Variants in FBN2 observed in about 807,000 individuals in gnomAD.
The protein encoded by FBN2 is fibrillin 2.
A neutral mutation model predicts 355.6 loss-of-function variants in FBN2; 105 were observed. The observed-to-expected ratio is 0.30, with a 90% CI of 0.25 to 0.35. The LOEUF (loss-of-function observed/expected upper bound fraction) is 0.35, where lower values mean the gene tolerates loss of function less well. Among genes scored for constraint, FBN2 ranks in the 10% least tolerant of loss-of-function variants. FBN2 has a pLI of 1.00. For missense variants in FBN2, 3,280 were observed against 3,758.7 expected, an observed-to-expected ratio of 0.87 and a Z score of 3.33; for synonymous variants, 1,350 against 1,301.2, an observed-to-expected ratio of 1.04 and a Z score of -0.81.
At chr5:128,442,652 A>G (rs1339855509) in intron 7 of FBN2, among the ~76,000 whole-genome samples, 1 of 152,190 alleles carries the variant, frequency 6.6e-6, no homozygotes, top group Non-Finnish European at 1.5e-5. Flanking sequence ...AGAAATAAAC[A>G]TGGCTGCAGT....
At chr5:128,334,121 G>C (rs1005925018) in intron 31 of FBN2, among the ~76,000 whole-genome samples, 3 of 152,044 alleles carry the variant, frequency 2.0e-5, no homozygotes, top group Non-Finnish European at 4.4e-5. Context: ...GTTAGTAGTA[G>C]TAGTAGAGAA....
intron 5 of FBN2, among the ~76,000 whole-genome samples, chr5:128,474,226 A>G (rs1433587158): frequency 6.6e-6 from 1 of 152,254 alleles, no homozygotes; most frequent in East Asian, 1.9e-4. Context: ...AAAAACTAGT[A>G]AGATTAGTTA....
chr5:128,532,455 T>C (rs1311215087), intron 2 of FBN2, among the ~76,000 whole-genome samples: 1 of 152,152 alleles, frequency 6.6e-6, no homozygotes, highest in Non-Finnish European at 1.5e-5. Flanking sequence ...AGACAGTTCA[T>C]TTAGGAGCTG....
At position 128,537,893 on chromosome 5, in the gene FBN2, C is replaced by G; in HGVS notation, c.-290G>C. The G allele has an allele frequency of 1.9e-6, 1 of 531,290 alleles. No individual in the cohort carries two copies. Among genetic ancestry groups the G allele is most frequent in the Admixed American group, 3.4e-5 (1 of 29,280 alleles). The allele number at this position is 531,290 out of a possible 1,614,324, so 32.9% of individuals were successfully genotyped here. A position where few individuals can be genotyped will look rare whatever the true frequency, so the allele number is the denominator to read the frequency against. ...CACGTTGCATAACCGGCCTAAAGCC[C>G]CGAGCGACTCCAGGACCGTCAGCGG... is the stretch of plus-strand genomic sequence containing the variant. On this transcript the variant is annotated 5_prime_UTR_variant, in exon 1 of 65. Coordinates refer to ENST00000262464, the MANE Select transcript of FBN2 (RefSeq NM_001999.4).
At position 128,274,570 on chromosome 5, in the gene FBN2, T is replaced by C. The variant is rs1209440803; in HGVS notation, c.7708A>G (p.Ile2570Val). ...PGFTQHHTAC[I>V]DNNECGSQPS... Reference sequence around the variant, plus strand: ...CCCATTTGTAACTTTGTCTTACCGATACAAGCAGTGTGATGCTGTGTGAAA... The same window carrying C: ...CCCATTTGTAACTTTGTCTTACCGACACAAGCAGTGTGATGCTGTGTGAAA... Residue 2570 changes from isoleucine (I) to valine (V), a missense_variant, in exon 60 of 65, where the codon ATC (isoleucine) becomes GTC (valine). Transcript: ENST00000262464. The C allele has an allele frequency of 6.4e-7, 1 of 1,573,922 alleles. No homozygotes were observed. Among genetic ancestry groups the C allele is most frequent in the Non-Finnish European group, 8.7e-7 (1 of 1,143,396 alleles).
At chr5:128,517,829 A>G (rs1206889261) in intron 5 of FBN2, among the ~76,000 whole-genome samples, 2 of 152,186 alleles carry the variant, frequency 1.3e-5, no homozygotes, top group African/African-American at 4.8e-5. Context: ...ACATAATTTC[A>G]TATATTCTAG....
chr5:128,305,361 A>T, intron 44 of FBN2, 150 bp downstream of exon 44: 1 of 943,146 alleles, frequency 1.1e-6, no homozygotes, highest in Non-Finnish European at 1.7e-6. Flanking sequence ...TCTTAACAAA[A>T]TCATCTAAAA....
chr5:128,261,017 T>C (rs1391294106), intron 64 of FBN2, among the ~76,000 whole-genome samples: 1 of 152,238 alleles, frequency 6.6e-6, no homozygotes, highest in Non-Finnish European at 1.5e-5. Context: ...GCAGTTCACA[T>C]GTTTCAATTC....
In FBN2 at chr5:128,261,923, A is replaced by G; in HGVS notation, c.8193-16T>C. The G allele has an allele frequency of 6.2e-7, 1 of 1,611,670 alleles. No homozygotes were observed. Among genetic ancestry groups the G allele is most frequent in the East Asian group, 2.2e-5 (1 of 44,868 alleles). On this transcript the variant is annotated splice_polypyrimidine_tract_variant and intron_variant, in intron 63 of 64. Transcript: ENST00000262464. ...GACACAGTGGCTATTTGCAAAAAGC[A>G]AAGTATTGTTAGACTTTATCACTGA... is the stretch of plus-strand genomic sequence containing the variant.
chr5:128,272,843 G>T (rs191249575), intron 61 of FBN2, among the ~76,000 whole-genome samples: 2 of 152,250 alleles, frequency 1.3e-5, no homozygotes, highest in East Asian at 3.9e-4. Context: ...ATCTTATGGG[G>T]ATGGTCACGA....
intron 45 of FBN2, among the ~76,000 whole-genome samples, chr5:128,303,837 T>G (rs956384467): frequency 7.9e-5 from 12 of 152,232 alleles, no homozygotes; most frequent in African/African-American, 2.9e-4. Flanking sequence ...TCTCATATTT[T>G]TTTTTGGTAA....
rs749440783 is a variant in FBN2 at position 128,333,008 on chromosome 5, G to A, written c.4126C>T (p.His1376Tyr). The change falls in exon 32 of 65, where the codon CAT (histidine) becomes TAT (tyrosine). Residue 1376 changes from histidine to tyrosine, a missense_variant. Physicochemically the swap from His to Tyr is moderately conservative, Grantham distance 83. Coordinates refer to ENST00000262464, the MANE Select transcript of FBN2 (RefSeq NM_001999.4). ...CATGAGGCATGCATGTCGCAGTTATGAGCACCAATTTCACACTCATCCACA... is the reference window on the plus strand; with the variant it reads ...CATGAGGCATGCATGTCGCAGTTATAAGCACCAATTTCACACTCATCCACA... ...TDVDECEIGA[H>Y]NCDMHASCLN... 4 of 1,612,708 alleles carry A rather than the reference G, an allele frequency of 2.5e-6. No homozygotes were observed. The African/African-American group carries it at 5.3e-5, about 22-fold the overall frequency.
chr5:128,496,493 A>G (rs1322437149), intron 5 of FBN2, among the ~76,000 whole-genome samples: 2 of 152,226 alleles, frequency 1.3e-5, no homozygotes, highest in African/African-American at 4.8e-5. Flanking sequence ...CTAGGAGTAG[A>G]AGGGAACTTC....
chr5:128,401,737 C>T (rs771841355), intron 8 of FBN2, among the ~76,000 whole-genome samples: 88 of 152,246 alleles, frequency 5.8e-4, no homozygotes, highest in African/African-American at 1.9e-3. Context: ...GCCGATATCA[C>T]GCCACTGCAC....
At chr5:128,490,402 A>G (rs764368) in intron 5 of FBN2, among the ~76,000 whole-genome samples, 1 of 152,018 alleles carries the variant, frequency 6.6e-6, no homozygotes, top group Non-Finnish European at 1.5e-5. Flanking sequence ...CAAAGCGAAC[A>G]AAGATAATTG....
chr5:128,369,270 G>A lies in FBN2; in HGVS notation c.2160C>T (p.Pro720=), dbSNP rs889188442. 36 of 1,613,822 alleles carry A rather than the reference G, an allele frequency of 2.2e-5. No homozygotes were observed. Among genetic ancestry groups the A allele is most frequent in the East Asian group, 6.7e-5 (3 of 44,880 alleles). Residue 720 remains proline (P), a synonymous_variant, in exon 16 of 65, where the codon CCC becomes CCT. Transcript: ENST00000262464. ...AGCATTCGGACTTGGTCACTGCACCGGGGAAAGGACGCACACACACTCCTT... is the reference window on the plus strand; with the variant it reads ...AGCATTCGGACTTGGTCACTGCACCAGGGAAAGGACGCACACACACTCCTT... The part of the protein sequence containing the change: ...IKKGVCVRPF[P]GAVTKSECCC...
chr5:128,369,159 G>A lies in FBN2; in HGVS notation c.2248+23C>T, dbSNP rs191056633. The A allele has an allele frequency of 3.4e-4, 548 of 1,612,842 alleles. 6 individuals carry two copies. The Admixed American group carries it at 5.2e-3, about 15-fold the overall frequency. The stretch of plus-strand genomic sequence containing the variant: ...TGTATTTCTTGATTCTTTATCAACT[G>A]TGAAAATGGCACATGTGACTACCTG... On this transcript the variant is annotated intron_variant, in intron 16 of 64. Transcript: ENST00000262464.
At chr5:128,431,417 C>T (rs1476832858) in intron 7 of FBN2, among the ~76,000 whole-genome samples, 1 of 152,160 alleles carries the variant, frequency 6.6e-6, no homozygotes, top group Non-Finnish European at 1.5e-5. Context: ...TTTTTGTTCA[C>T]GTCTTCTACC....
intron 2 of FBN2, among the ~76,000 whole-genome samples, chr5:128,532,111 G>A (rs1200917210): frequency 6.6e-6 from 1 of 152,164 alleles, no homozygotes; most frequent in Non-Finnish European, 1.5e-5. Context: ...ACTTGGCCAA[G>A]CCTCAAGGGT....
Sources: gnomAD v4.1 joint callset for allele counts (sites outside exome capture counted in the v4.1 genomes callset) on GRCh38, gnomAD v4.1.1 for gene constraint, MANE v1.5 for transcripts, NCBI Gene and HGNC (gene_info 2026-07-23, HGNC 2026-07-21) for gene names.